Variants in SLC66A3 observed in about 807,000 individuals in gnomAD.
SLC66A3 encodes the protein solute carrier family 66 member 3, also known as PQ loop repeat containing 3.
In SLC66A3, 23 loss-of-function variants were observed where a neutral mutation model predicts 25.5. That is an observed-to-expected ratio of 0.90 (90% confidence interval 0.65 to 1.28). The LOEUF (loss-of-function observed/expected upper bound fraction) is 1.28. SLC66A3 is among the 50% of genes most tolerant of loss of function. SLC66A3 has a pLI of 0.00. For synonymous variants in SLC66A3, 108 were observed against 112.6 expected (o/e 0.96, Z 0.26); for missense variants, 246 against 262.1 (o/e 0.94, Z 0.42).
intron 1 of SLC66A3, among the ~76,000 whole-genome samples, chr2:11,158,616 C>T (rs563584160): frequency 2.0e-5 from 3 of 152,072 alleles, no homozygotes; most frequent in Admixed American, 6.5e-5. Flanking sequence ...GAGCCGAGAT[C>T]GTGCCACTGC....
At chr2:11,164,152 G>C in intron 3 of SLC66A3, 52 bp from the exon 4 acceptor site, 1 of 1,088,752 alleles carries the variant, frequency 9.2e-7, no homozygotes, top group Non-Finnish European at 1.4e-6. Context: ...TGAGATGGGA[G>C]GGTGGCGCGG....
chr2:11,178,002 C>G lies in SLC66A3; in HGVS notation c.*174C>G. ...CCACTTAAATTCTTGTTTAAAAATACCAATTTGCCTCCTCCTTCCTCACTT... is the reference window on the plus strand; with the variant it reads ...CCACTTAAATTCTTGTTTAAAAATAGCAATTTGCCTCCTCCTTCCTCACTT... On this transcript the variant is annotated 3_prime_UTR_variant, in exon 7 of 7. Transcript: ENST00000295083. 1 of 572,966 alleles carries G rather than the reference C, an allele frequency of 1.7e-6. No individual in the cohort carries two copies. The highest frequency in any genetic ancestry group is 3.1e-6 in the Non-Finnish European group (1 of 326,070). 35.5% of individuals were successfully genotyped at this position (572,966 alleles called of 1,614,324 possible).
At chr2:11,163,176 T>C (rs551585474) in intron 3 of SLC66A3, among the ~76,000 whole-genome samples, 1 of 152,342 alleles carries the variant, frequency 6.6e-6, no homozygotes, top group South Asian at 2.1e-4. Flanking sequence ...AATTAAAATT[T>C]AACTGGGTGT....
intron 2 of SLC66A3, 38 bp from the exon 3 acceptor site, chr2:11,160,587 C>T (rs1430671965): frequency 2.5e-6 from 4 of 1,614,180 alleles, no homozygotes; most frequent in Middle Eastern, 1.6e-4. Context: ...TGCCACGGGT[C>T]TCCCCTTCCC....
chr2:11,167,242 C>A (rs539189966), intron 4 of SLC66A3, among the ~76,000 whole-genome samples: 41 of 152,246 alleles, frequency 2.7e-4, no homozygotes, highest in Middle Eastern at 3.4e-3. Flanking sequence ...GTCAGCAGTT[C>A]GAGACCAGCC....
intron 4 of SLC66A3, among the ~76,000 whole-genome samples, chr2:11,169,091 C>T (rs1662455776): frequency 6.6e-6 from 1 of 152,138 alleles, no homozygotes; most frequent in Non-Finnish European, 1.5e-5. Context: ...CTCCTGGCCT[C>T]AAGTGATCCT....
chr2:11,166,376 A>G (rs1329476245), intron 4 of SLC66A3, among the ~76,000 whole-genome samples: 5 of 152,108 alleles, frequency 3.3e-5, no homozygotes, highest in Admixed American at 3.3e-4. Context: ...GAACGTTTCT[A>G]CCCAACGAGA....
At position 11,175,018 on chromosome 2, in the gene SLC66A3, A is replaced by G. The variant is rs1417674300; in HGVS notation, c.517+9A>G. On this transcript the variant is annotated intron_variant, in intron 6 of 6. Transcript: ENST00000295083. ...CACCAATGATTTTACAAGTAAGCAAAATATCTTCTCACTTCCTTTTTGAGT... is the reference window on the plus strand; with the variant it reads ...CACCAATGATTTTACAAGTAAGCAAGATATCTTCTCACTTCCTTTTTGAGT... 1.8e-5 allele frequency: 28 copies of G among 1,595,356 alleles called. No homozygotes were observed. The highest frequency in any genetic ancestry group is 2.1e-5 in the Non-Finnish European group (25 of 1,168,716).
At chr2:11,160,424 G>A (rs374684258) in intron 1 of SLC66A3, 42 bp from the exon 2 acceptor site, 106 of 1,584,272 alleles carry the variant, frequency 6.7e-5, no homozygotes, top group Non-Finnish European at 7.8e-5. Flanking sequence ...CGACAGCTGC[G>A]TTTTGGGGCA....
chr2:11,169,349 G>T (rs973808926), intron 4 of SLC66A3, among the ~76,000 whole-genome samples: 1 of 152,200 alleles, frequency 6.6e-6, no homozygotes, highest in African/African-American at 2.4e-5. Flanking sequence ...GAAACAGACC[G>T]AGTGTTCCCC....
chr2:11,159,622 G>T (rs996037844), intron 1 of SLC66A3, among the ~76,000 whole-genome samples: 3 of 152,172 alleles, frequency 2.0e-5, no homozygotes, highest in Non-Finnish European at 2.9e-5. Context: ...AGACCCTGGG[G>T]GGCCCCTCCT....
At chr2:11,158,963 A>G (rs1662012832) in intron 1 of SLC66A3, among the ~76,000 whole-genome samples, 1 of 152,222 alleles carries the variant, frequency 6.6e-6, no homozygotes, top group Non-Finnish European at 1.5e-5. Context: ...CTGCATCCAG[A>G]TCAGCCTCGG....
intron 1 of SLC66A3, among the ~76,000 whole-genome samples, chr2:11,159,397 C>A (rs1244273731): frequency 6.6e-6 from 1 of 152,168 alleles, no homozygotes; most frequent in Non-Finnish European, 1.5e-5. Context: ...ACCCGGAGGG[C>A]CTGCAGGCAG....
In SLC66A3 at chr2:11,177,815, T is replaced by C. The variant is rs938735110; in HGVS notation, c.596T>C (p.Ile199Thr). 1.9e-6 allele frequency: 3 copies of C among 1,600,610 alleles called. No individual in the cohort carries two copies. The highest frequency in any genetic ancestry group is 2.7e-5 in the African/African-American group (2 of 74,686). ...GTACTTCGCTACCGGAAGACCGCTA[T>C]AAAGGCTGAATGATGGATACATTAT... is the stretch of plus-strand genomic sequence containing the variant. ...VTVLRYRKTA[I>T]KAE The change falls in exon 7 of 7, where the codon ATA becomes ACA. Residue 199 changes from isoleucine (I) to threonine (T), a missense_variant. Around this residue, in one of 3 missense-constraint regions of SLC66A3, gnomAD observed 93 missense variants for 102.6 expected, o/e 0.91. Coordinates refer to ENST00000295083, the MANE Select transcript of SLC66A3 (RefSeq NM_152391.5).
At chr2:11,166,346 C>T (rs2147993009) in intron 4 of SLC66A3, among the ~76,000 whole-genome samples, 1 of 152,254 alleles carries the variant, frequency 6.6e-6, no homozygotes, top group African/African-American at 2.4e-5. Context: ...GACCACAGAC[C>T]TCTCCAAGGT....
intron 3 of SLC66A3, among the ~76,000 whole-genome samples, chr2:11,161,471 AT>A (rs1185856240): frequency 6.6e-6 from 1 of 151,770 alleles, no homozygotes; most frequent in Non-Finnish European, 1.5e-5. Flanking sequence ...TAATTTTTAA[AT>A]TTTTTGTAGA....
intron 6 of SLC66A3, among the ~76,000 whole-genome samples, chr2:11,175,419 G>C (rs1278335810): frequency 2.0e-5 from 3 of 152,230 alleles, no homozygotes; most frequent in African/African-American, 7.2e-5. Context: ...ATGAGTAGAG[G>C]TTTAGCCAGA....
At position 11,155,505 on chromosome 2, in the gene SLC66A3, C is replaced by T. The variant is rs1462804049; in HGVS notation, c.-42C>T. 3.9e-5 allele frequency: 58 copies of T among 1,468,974 alleles called. No individual in the cohort carries two copies. Among genetic ancestry groups the T allele is most frequent in the Non-Finnish European group, 5.0e-5 (56 of 1,119,112 alleles). 91.0% of individuals were successfully genotyped at this position (1,468,974 alleles called of 1,614,324 possible). ...GCTGCGCCGCCGAGGCTGAGCGGTC[C>T]CTTCTCGCTGCGGCCGCCCAGGTGC... On this transcript the variant is annotated 5_prime_UTR_variant, in exon 1 of 7. Coordinates refer to ENST00000295083, the MANE Select transcript of SLC66A3 (RefSeq NM_152391.5).
chr2:11,163,056 T>C (rs1014751276), intron 3 of SLC66A3, among the ~76,000 whole-genome samples: 1 of 152,134 alleles, frequency 6.6e-6, no homozygotes, highest in Non-Finnish European at 1.5e-5. Flanking sequence ...CTGGGCAACA[T>C]AGTGGGATTC....
Sources: gnomAD v4.1 joint callset for allele counts (sites outside exome capture counted in the v4.1 genomes callset) on GRCh38, gnomAD v4.1.1 for gene constraint, gnomAD v4.1.1 regional missense constraint, MANE v1.5 for transcripts, NCBI Gene and HGNC (gene_info 2026-07-23, HGNC 2026-07-21) for gene names.